The following HSPA13 variants were observed in gnomAD, a reference collection of about 807,000 sequenced individuals.
HSPA13 encodes the protein heat shock 70 kDa protein 13.
A neutral mutation model predicts 38.8 loss-of-function variants in HSPA13; 29 were observed. The ratio of observed to expected loss-of-function variants is 0.75; its 90% CI spans 0.56 to 1.02. The LOEUF (loss-of-function observed/expected upper bound fraction) is 1.02, where lower values mean the gene tolerates loss of function less well. HSPA13 is among the 50% of genes least tolerant of loss of function. HSPA13 has a pLI of 0.00. For synonymous variants in HSPA13, 192 were observed against 205.3 expected, an observed-to-expected ratio of 0.94 and a Z score of 0.56; for missense variants, 451 against 560.9, an observed-to-expected ratio of 0.80 and a Z score of 1.98.
chr21:14,382,928 GC>G (rs1645224797), intron 1 of HSPA13, among the ~76,000 whole-genome samples, 166 bp downstream of exon 1: 1 of 151,852 alleles, frequency 6.6e-6, no homozygotes, highest in South Asian at 2.1e-4. Context: ...AGGCGTCCCC[GC>G]CCCCATCCAC....
chr21:14,373,642 T>C lies in HSPA13; in HGVS notation c.1391A>G (p.His464Arg), dbSNP rs761597672. 1 of 1,611,186 alleles carries C rather than the reference T, an allele frequency of 6.2e-7. No homozygotes were observed. The highest frequency in any genetic ancestry group is 1.3e-5 in the African/African-American group (1 of 74,786). Residue 464 changes from histidine to arginine, a missense_variant, in exon 5 of 5, where the codon CAT (histidine) becomes CGT (arginine). His to Arg is a conservative substitution (Grantham distance 29, BLOSUM62 0). Transcript: ENST00000285667. ...QVSALEIPNK[H>R]LQKTNFN is the part of the protein sequence containing the mutation. Reference sequence around the variant, plus strand: ...TCAGTTGAAGTTGGTTTTTTGTAAATGCTTATTGGGAATTTCTAAAGCACT... The same window carrying C: ...TCAGTTGAAGTTGGTTTTTTGTAAACGCTTATTGGGAATTTCTAAAGCACT...
chr21:14,377,529 A>C (rs1234696431), intron 3 of HSPA13, among the ~76,000 whole-genome samples: 1 of 152,170 alleles, frequency 6.6e-6, no homozygotes, highest in Non-Finnish European at 1.5e-5. Flanking sequence ...CTTTACCTAC[A>C]TTGATGGTTA....
chr21:14,373,480 A>C lies in HSPA13; in HGVS notation c.*137T>G. 1.4e-6 allele frequency: 1 copy of C among 723,082 alleles called. No individual in the cohort carries two copies. Among genetic ancestry groups the C allele is most frequent in the Non-Finnish European group, 2.2e-6 (1 of 450,602 alleles). 44.8% of individuals were successfully genotyped at this position (723,082 alleles called of 1,614,324 possible). On this transcript the variant is annotated 3_prime_UTR_variant, in exon 5 of 5. Transcript: ENST00000285667. ...TAATCCTAAGACAAAACACTATGTA[A>C]AATTTTCCTGTATCTAAATGTTGCC...
At position 14,371,787 on chromosome 21, in the gene HSPA13, T is replaced by C. The variant is rs537504995; in HGVS notation, c.*1830A>G. The C allele has an allele frequency of 6.6e-6, 1 of 152,320 alleles. No individual in the cohort carries two copies. The highest frequency in any genetic ancestry group is 1.9e-4 in the East Asian group (1 of 5,186). The allele number at this position is 152,320 out of a possible 1,614,324, so 9.4% of individuals were successfully genotyped here. A position where few individuals can be genotyped will look rare whatever the true frequency, so the allele number is the denominator to read the frequency against. ...CTTTATGTTTTAAGCTGATCCTATA[T>C]ATGGAGATTTTGAGATAAATTGGAA... On this transcript the variant is annotated 3_prime_UTR_variant, in exon 5 of 5. Coordinates refer to ENST00000285667, the MANE Select transcript of HSPA13 (RefSeq NM_006948.5).
rs1298670782 is a variant in HSPA13 at position 14,372,807 on chromosome 21, A to C, written c.*810T>G. 2.0e-5 allele frequency: 3 copies of C among 152,178 alleles called. No homozygotes were observed. Among genetic ancestry groups the C allele is most frequent in the Non-Finnish European group, 4.4e-5 (3 of 68,004 alleles). The allele number at this position is 152,178 out of a possible 1,614,324, so 9.4% of individuals were successfully genotyped here. A position where few individuals can be genotyped will look rare whatever the true frequency, so the allele number is the denominator to read the frequency against. On this transcript the variant is annotated 3_prime_UTR_variant, in exon 5 of 5. Coordinates refer to ENST00000285667, the MANE Select transcript of HSPA13 (RefSeq NM_006948.5). ...TCTCGGATAACAAAAATAAGATAGC[A>C]ATCATGGCTTTATTATGACATTAAC...
At chr21:14,378,873 C>T (rs1028172750) in intron 2 of HSPA13, among the ~76,000 whole-genome samples, 2 of 152,010 alleles carry the variant, frequency 1.3e-5, no homozygotes, top group Non-Finnish European at 2.9e-5. Context: ...TCACCTCAGC[C>T]TCCCAAAGTG....
chr21:14,375,952 G>A (rs1367687200), intron 3 of HSPA13, 133 bp from the exon 4 acceptor site: 2 of 613,092 alleles, frequency 3.3e-6, no homozygotes, highest in African/African-American at 3.7e-5. Flanking sequence ...GTCACAAACC[G>A]AACAGAAGCA....
At chr21:14,380,617 C>T (rs1984143837) in intron 2 of HSPA13, among the ~76,000 whole-genome samples, 1 of 152,120 alleles carries the variant, frequency 6.6e-6, no homozygotes, top group South Asian at 2.1e-4. Flanking sequence ...AAAACGTACA[C>T]ATTTGACCTA....
At chr21:14,381,180 T>G (rs186535555) in intron 2 of HSPA13, 23 bp downstream of exon 2, 19 of 1,518,996 alleles carry the variant, frequency 1.3e-5, no homozygotes, top group Non-Finnish European at 1.7e-5. Context: ...AAAATTAATA[T>G]AGATTTTAGA....
chr21:14,379,889 G>A (rs1472607735), intron 2 of HSPA13, among the ~76,000 whole-genome samples: 2 of 151,936 alleles, frequency 1.3e-5, no homozygotes, highest in African/African-American at 4.8e-5. Context: ...GGTGGCACAC[G>A]CCTGTAATGC....
At chr21:14,379,256 T>C (rs910974800) in intron 2 of HSPA13, among the ~76,000 whole-genome samples, 1 of 152,202 alleles carries the variant, frequency 6.6e-6, no homozygotes, top group East Asian at 1.9e-4. Context: ...TCCCCGATAA[T>C]GTGGGTGTAC....
rs1984160531 is a variant in HSPA13, at chr21:14,381,282, A to G, written c.287T>C (p.Ile96Thr). ...GCCTATGAATCTTTTGGCATCATAT[A>G]TTGTGTTTTGAGGATTTGAATCTGC... ...ELADSNPQNTIYDAKRFIGKI... is the reference protein window; with the variant it reads ...ELADSNPQNTTYDAKRFIGKI... The change falls in exon 2 of 5, where the codon ATA becomes ACA. Residue 96 changes from isoleucine to threonine, a missense_variant. Transcript: ENST00000285667. The G allele has an allele frequency of 2.5e-6, 4 of 1,613,864 alleles. No individual in the cohort carries two copies. Among genetic ancestry groups the G allele is most frequent in the Non-Finnish European group, 3.4e-6 (4 of 1,179,948 alleles).
At position 14,373,069 on chromosome 21, in the gene HSPA13, T is replaced by C. The variant is rs17208186; in HGVS notation, c.*548A>G. The C allele has an allele frequency of 0.1, 15,295 of 152,528 alleles. 1,034 individuals are homozygous for C. Among genetic ancestry groups the C allele is most frequent in the Non-Finnish European group, 0.14 (9,745 of 68,210 alleles). The allele number at this position is 152,528 out of a possible 1,614,324, so 9.4% of individuals were successfully genotyped here. A position where few individuals can be genotyped will look rare whatever the true frequency, so the allele number is the denominator to read the frequency against. On this transcript the variant is annotated 3_prime_UTR_variant, in exon 5 of 5. Coordinates refer to ENST00000285667, the MANE Select transcript of HSPA13 (RefSeq NM_006948.5). ...GACACTTAACAGGATACTGAATTTG[T>C]GAATGTAAATTTGTTATATAATATG...
Position 14,374,301 on chromosome 21 carries a change from A to T in HSPA13, c.749-17T>A, listed in dbSNP as rs1982900654. ...TATTGTTTCCTGAGTGAAAAATAAA[A>T]GTTTAATATAGTTATGCATATATGT... is the stretch of plus-strand genomic sequence containing the variant. On this transcript the variant is annotated splice_polypyrimidine_tract_variant and intron_variant, in intron 4 of 4. Transcript: ENST00000285667. The T allele has an allele frequency of 1.3e-6, 2 of 1,576,322 alleles. No homozygotes were observed. Among genetic ancestry groups the T allele is most frequent in the Non-Finnish European group, 1.7e-6 (2 of 1,158,646 alleles).
intron 4 of HSPA13, among the ~76,000 whole-genome samples, chr21:14,375,001 A>C (rs114529439): frequency 1.3e-3 from 202 of 152,308 alleles, no homozygotes; most frequent in African/African-American, 4.5e-3. Context: ...AGGTTAGAAT[A>C]CCTGTAACTT....
chr21:14,373,548 A>C lies in HSPA13; in HGVS notation c.*69T>G, dbSNP rs545198978. On this transcript the variant is annotated 3_prime_UTR_variant, in exon 5 of 5. Transcript: ENST00000285667. ...ATATTTTAGAGACTTTCTTTTGTGGAAAAGGTAATCTGATAAATGGGAAGA... is the reference window on the plus strand; with the variant it reads ...ATATTTTAGAGACTTTCTTTTGTGGCAAAGGTAATCTGATAAATGGGAAGA... 7.6e-6 allele frequency: 10 copies of C among 1,322,424 alleles called. No homozygotes were observed. In the African/African-American group the frequency reaches 1.3e-4, roughly 17 times the overall value. The allele number at this position is 1,322,424 out of a possible 1,614,324, so 81.9% of individuals were successfully genotyped here.
chr21:14,374,074 T>C lies in HSPA13; in HGVS notation c.959A>G (p.Glu320Gly). The C allele has an allele frequency of 6.2e-7, 1 of 1,614,212 alleles. No individual in the cohort carries two copies. The highest frequency in any genetic ancestry group is 1.1e-5 in the South Asian group (1 of 91,086). The change falls in exon 5 of 5, where the codon GAA becomes GGA. Residue 320 changes from glutamate to glycine, a missense_variant. Coordinates refer to ENST00000285667, the MANE Select transcript of HSPA13 (RefSeq NM_006948.5). ...LLTVEEQDRKEPHSSDTELPK... is the reference protein window; with the variant it reads ...LLTVEEQDRKGPHSSDTELPK... ...CAGTTCAGTGTCACTACTGTGAGGT[T>C]CCTTCCTGTCCTGCTCCTCCACCGT...
chr21:14,378,103 G>T, intron 3 of HSPA13, 96 bp downstream of exon 3: 1 of 852,442 alleles, frequency 1.2e-6, no homozygotes, highest in Non-Finnish European at 1.9e-6. Flanking sequence ...TTTTGACTAT[G>T]GTTGTGTGGT....
intron 2 of HSPA13, among the ~76,000 whole-genome samples, chr21:14,380,309 C>A (rs1199897440): frequency 1.4e-5 from 2 of 148,006 alleles, no homozygotes; most frequent in South Asian, 2.1e-4. Flanking sequence ...ATAACAAAAA[C>A]ATATAATGAA....
Sources: gnomAD v4.1 joint callset for allele counts (sites outside exome capture counted in the v4.1 genomes callset) on GRCh38, gnomAD v4.1.1 for gene constraint, MANE v1.5 for transcripts, NCBI Gene and HGNC (gene_info 2026-07-23, HGNC 2026-07-21) for gene names.